Variants in MAPK9 observed in about 807,000 individuals in gnomAD.
The protein encoded by MAPK9 is mitogen-activated protein kinase 9, also known as Jun kinase.
A neutral mutation model predicts 57.1 loss-of-function variants in MAPK9; 30 were observed. The observed-to-expected ratio is 0.53, with a 90% CI of 0.39 to 0.71. The LOEUF (loss-of-function observed/expected upper bound fraction) is 0.71, where lower values mean the gene tolerates loss of function less well. Among genes scored for constraint, MAPK9 ranks in the 30% least tolerant of loss-of-function variants. The probability of loss-of-function intolerance (pLI) is 0.00; values close to 1 mark genes in which losing one functional copy is unlikely to be tolerated. For missense variants in MAPK9, 362 were observed against 521.0 expected (o/e 0.69, Z 2.97); for synonymous variants, 155 against 177.0 (o/e 0.88, Z 0.99).
At chr5:180,267,553 C>T (rs1376579206) in intron 3 of MAPK9, among the ~76,000 whole-genome samples, 4 of 112,318 alleles carry the variant, frequency 3.6e-5, no homozygotes, top group Admixed American at 1.1e-4. Flanking sequence ...CAGAGCGAGA[C>T]TCCGTCTCAA....
At position 180,247,094 on chromosome 5, in the gene MAPK9, C is replaced by T. The variant is rs1375882179; in HGVS notation, c.688+345G>A. ...TTCCTAGTTAAATTAACGGAATAAA[C>T]TAAATAATACAGTATTTTCATTTAA... On this transcript the variant is annotated intron_variant, in intron 7 of 11. Coordinates refer to ENST00000452135, the MANE Select transcript of MAPK9 (RefSeq NM_002752.5). This position sits in a 1 kb window ranked among gnomAD's most constrained non-coding sequence, Gnocchi z 4.5. 1 of 279,084 alleles carries T rather than the reference C, an allele frequency of 3.6e-6. No individual in the cohort carries two copies. The highest frequency in any genetic ancestry group is 2.2e-5 in the African/African-American group (1 of 45,044). The allele number at this position is 279,084 out of a possible 1,614,324, so 17.3% of individuals were successfully genotyped here. A position where few individuals can be genotyped will look rare whatever the true frequency, so the allele number is the denominator to read the frequency against.
intron 5 of MAPK9, among the ~76,000 whole-genome samples, chr5:180,252,496 C>T (rs1376458117): frequency 6.6e-6 from 1 of 152,162 alleles, no homozygotes; most frequent in Non-Finnish European, 1.5e-5. Flanking sequence ...CATGGTGGCC[C>T]TAGTCTCCTC....
Position 180,280,545 on chromosome 5 carries a change from C to A in MAPK9, c.17G>T (p.Cys6Phe), listed in dbSNP as rs778427130. Reference sequence around the variant, plus strand: ...TTGCACACTATAAAACTGACTGTCACATTTACTGTCGCTCATGATGCAGCG... The same window carrying A: ...TTGCACACTATAAAACTGACTGTCAAATTTACTGTCGCTCATGATGCAGCG... MSDSK[C>F]DSQFYSVQVA... The change falls in exon 2 of 12, where the codon TGT becomes TTT. Residue 6 changes from cysteine to phenylalanine, a missense_variant. Cys to Phe is a radical substitution (Grantham distance 205). Coordinates refer to ENST00000452135, the MANE Select transcript of MAPK9 (RefSeq NM_002752.5). The A allele has an allele frequency of 6.2e-7, 1 of 1,614,030 alleles. No individual in the cohort carries two copies. The highest frequency in any genetic ancestry group is 1.7e-5 in the Admixed American group (1 of 59,974).
At chr5:180,290,571 T>C (rs979283288) in intron 1 of MAPK9, among the ~76,000 whole-genome samples, 3 of 152,212 alleles carry the variant, frequency 2.0e-5, no homozygotes, top group Admixed American at 2.0e-4. Flanking sequence ...ATGTCTCTTG[T>C]ATGTGTGGAA....
intron 3 of MAPK9, among the ~76,000 whole-genome samples, chr5:180,267,882 A>C (rs920281802): frequency 2.0e-5 from 3 of 151,770 alleles, no homozygotes; most frequent in African/African-American, 7.3e-5. Context: ...ATTTATTTTG[A>C]GACGGAGTCT....
chr5:180,279,789 G>C (rs1762146789), intron 2 of MAPK9: 1 of 456,038 alleles, frequency 2.2e-6, no homozygotes, highest in African/African-American at 2.0e-5. Context: ...CATGTGAAGA[G>C]CTTTACCTTG....
intron 1 of MAPK9, among the ~76,000 whole-genome samples, chr5:180,285,679 G>A (rs1430816431): frequency 6.6e-6 from 1 of 151,872 alleles, no homozygotes; most frequent in African/African-American, 2.4e-5. Context: ...TCCCAGCACT[G>A]TGGGAGGCCG....
rs1417722441 is a variant in MAPK9 at position 180,236,088 on chromosome 5, ATGAGAAAC to A, written c.*288_*295del. 2 of 223,766 alleles carry A rather than the reference ATGAGAAAC, an allele frequency of 8.9e-6. No homozygotes were observed. Among genetic ancestry groups the A allele is most frequent in the African/African-American group, 4.5e-5 (2 of 44,156 alleles). The allele number at this position is 223,766 out of a possible 1,614,324, so 13.9% of individuals were successfully genotyped here. On this transcript the variant is annotated 3_prime_UTR_variant, in exon 12 of 12. Coordinates refer to ENST00000452135, the MANE Select transcript of MAPK9 (RefSeq NM_002752.5). ...ACATACATCTCAACAGTTACAGATG[ATGAGAAAC>A]TGTCACTAGTACAATTTGAAACAAA...
chr5:180,259,494 A>G (rs1201292128), intron 5 of MAPK9, among the ~76,000 whole-genome samples: 2 of 152,176 alleles, frequency 1.3e-5, no homozygotes, highest in African/African-American at 4.8e-5. Flanking sequence ...CAGACATTCC[A>G]GTTCTCTATG....
intron 11 of MAPK9, chr5:180,237,353 GGAGA>G (rs566257395): frequency 6.6e-6 from 1 of 152,186 alleles, no homozygotes; most frequent in Non-Finnish European, 1.5e-5. Flanking sequence ...AGTGGGAGTG[GGAGA>G]GAGACAATGA....
chr5:180,291,323 G>A, intron 1 of MAPK9, among the ~76,000 whole-genome samples: 1 of 151,574 alleles, frequency 6.6e-6, no homozygotes, highest in East Asian at 2.0e-4. Flanking sequence ...CTGGGCGGGT[G>A]GGGAGGGGGT....
intron 1 of MAPK9, among the ~76,000 whole-genome samples, chr5:180,282,123 C>T (rs545096250): frequency 1.3e-5 from 2 of 152,178 alleles, no homozygotes; most frequent in South Asian, 4.1e-4. Context: ...ACTCCAAGGA[C>T]AGGAGGACAG....
Position 180,242,845 on chromosome 5 carries a change from G to C in MAPK9, c.689-90C>G, listed in dbSNP as rs34520767. ...CACTTGAATAATATTTAAACCTATCGACTAGGCCACCCCACTGGATCAGCA... is the reference window on the plus strand; with the variant it reads ...CACTTGAATAATATTTAAACCTATCCACTAGGCCACCCCACTGGATCAGCA... On this transcript the variant is annotated intron_variant, in intron 7 of 11. Coordinates refer to ENST00000452135, the MANE Select transcript of MAPK9 (RefSeq NM_002752.5). 1.4e-3 allele frequency: 1,380 copies of C among 962,856 alleles called. 6 individuals are homozygous for C. In the Middle Eastern group the frequency reaches 0.015, roughly 11 times the overall value. The allele number at this position is 962,856 out of a possible 1,614,324, so 59.6% of individuals were successfully genotyped here.
intron 1 of MAPK9, among the ~76,000 whole-genome samples, chr5:180,282,399 G>A (rs1306466397): frequency 1.3e-5 from 2 of 152,184 alleles, no homozygotes; most frequent in South Asian, 2.1e-4. Context: ...GGGGAGAAGC[G>A]CGAGCAGTGA....
At chr5:180,244,802 G>GA (rs1757955204) in intron 7 of MAPK9, among the ~76,000 whole-genome samples, 1 of 143,402 alleles carries the variant, frequency 7.0e-6, no homozygotes, top group East Asian at 2.0e-4. Context: ...AAAAAGGAAA[G>GA]AAAAAAGAGC....
intron 1 of MAPK9, 48 bp downstream of exon 1, chr5:180,291,800 C>G (rs910114950): frequency 6.7e-6 from 1 of 148,318 alleles, no homozygotes; most frequent in East Asian, 2.0e-4. Context: ...TCCCCGCGGG[C>G]CCGGCCCGAG....
chr5:180,271,442 C>T (rs35065534), intron 2 of MAPK9, among the ~76,000 whole-genome samples: 2,538 of 152,240 alleles, frequency 0.017, 48 homozygotes, highest in African/African-American at 0.034. Flanking sequence ...GCCAACACCT[C>T]CTATTTTTTT....
At chr5:180,237,425 C>T (rs1195136889) in intron 11 of MAPK9, 3 of 152,158 alleles carry the variant, frequency 2.0e-5, no homozygotes, top group Admixed American at 6.5e-5. Context: ...TAAGTGAACA[C>T]GACTCATATC....
intron 2 of MAPK9, among the ~76,000 whole-genome samples, chr5:180,269,949 T>C (rs1461729339): frequency 6.6e-6 from 1 of 152,220 alleles, no homozygotes; most frequent in East Asian, 1.9e-4. Context: ...ACAAAATCTC[T>C]AACGTAAGCA....
Sources: allele counts gnomAD v4.1 joint callset (sites outside exome capture counted in the v4.1 genomes callset), GRCh38; gene constraint gnomAD v4.1.1; non-coding constraint Gnocchi (gnomAD v3.1); transcripts MANE v1.5; gene names NCBI Gene and HGNC (gene_info 2026-07-23, HGNC 2026-07-21).